MYO5B: variants seen among roughly 807,000 people sequenced by gnomAD.
The protein encoded by MYO5B is unconventional myosin-Vb.
In MYO5B, 143 loss-of-function variants were observed where a neutral mutation model predicts 229.3. That is an observed-to-expected ratio of 0.62 (90% confidence interval 0.54 to 0.72). The LOEUF is 0.72. MYO5B is among the 30% of genes least tolerant of loss of function. The pLI is 0.00. For synonymous variants in MYO5B, 918 were observed against 885.2 expected (o/e 1.04, Z -0.66); for missense variants, 2,321 against 2,331.0 (o/e 1.00, Z 0.09).
Position 49,889,198 on chromosome 18 carries a change from T to A in MYO5B, c.3045+5743A>T, listed in dbSNP as rs535456908. On this transcript the variant is annotated intron_variant, in intron 22 of 39. Transcript: ENST00000285039. ...AATATCTAGAATACATGAGCTTGTT[T>A]AATCAAATAATTCAATTTAGGCAGC... Among the ~76,000 whole-genome samples the A allele has an allele frequency of 2.0e-5, 3 of 152,348 alleles. No homozygotes were observed. In the East Asian group the frequency reaches 5.8e-4, roughly 29 times the overall value.
chr18:50,152,547 C>G (rs537330536), intron 1 of MYO5B, among the ~76,000 whole-genome samples: 15 of 152,254 alleles, frequency 9.9e-5, no homozygotes, highest in African/African-American at 3.6e-4. Context: ...GAAAAGCATA[C>G]TCCATTATCC....
At chr18:50,066,177 AATT>A (rs1164161999) in intron 1 of MYO5B, among the ~76,000 whole-genome samples, 2 of 152,338 alleles carry the variant, frequency 1.3e-5, no homozygotes, top group East Asian at 3.9e-4. Flanking sequence ...TATATGGAAG[AATT>A]ATTATCAGCA....
At chr18:49,902,016 C>T (rs1417882183) in intron 21 of MYO5B, among the ~76,000 whole-genome samples, 1 of 152,282 alleles carries the variant, frequency 6.6e-6, no homozygotes, top group Non-Finnish European at 1.5e-5. Flanking sequence ...AAGGGCAAAA[C>T]ACCAGCACCT....
At chr18:50,131,982 C>G (rs2032261508) in intron 1 of MYO5B, among the ~76,000 whole-genome samples, 1 of 152,182 alleles carries the variant, frequency 6.6e-6, no homozygotes, top group Non-Finnish European at 1.5e-5. Context: ...GCAGTTTTCC[C>G]CCATTGGCAC....
At chr18:50,022,087 TCCCTC>T (rs2026281650) in intron 4 of MYO5B, among the ~76,000 whole-genome samples, 94 of 132,044 alleles carry the variant, frequency 7.1e-4, no homozygotes, top group African/African-American at 2.5e-3. Flanking sequence ...GTCTCTTCCC[TCCCTC>T]CCTCCCCACC....
chr18:49,888,392 G>T (rs1266989453), intron 22 of MYO5B, among the ~76,000 whole-genome samples: 3 of 152,104 alleles, frequency 2.0e-5, no homozygotes, highest in Non-Finnish European at 4.4e-5. Flanking sequence ...GTAGCCTCAG[G>T]GTCCATGAAG....
At chr18:49,869,770 G>C (rs680052) in intron 27 of MYO5B, among the ~76,000 whole-genome samples, 128,772 of 151,882 alleles carry the variant, frequency 0.85, 54,689 homozygotes, top group East Asian at 0.95. Flanking sequence ...CTTGTTAAAA[G>C]ACAGATGGGT....
intron 14 of MYO5B, among the ~76,000 whole-genome samples, chr18:49,949,192 A>G (rs2025406055): frequency 6.6e-6 from 1 of 152,222 alleles, no homozygotes; most frequent in Non-Finnish European, 1.5e-5. Flanking sequence ...CGTGACCCAC[A>G]GCTTGTCCCT....
chr18:49,892,689 A>C (rs2024729349), intron 22 of MYO5B, among the ~76,000 whole-genome samples: 1 of 152,220 alleles, frequency 6.6e-6, no homozygotes, highest in Non-Finnish European at 1.5e-5. Flanking sequence ...CAAAACAAAA[A>C]AAAGCCAGCC....
chr18:49,915,455 C>T (rs1239814783), intron 17 of MYO5B, among the ~76,000 whole-genome samples: 2 of 152,332 alleles, frequency 1.3e-5, no homozygotes, highest in African/African-American at 4.8e-5. Flanking sequence ...TCATCAGGTC[C>T]ATGTGGATTC....
In MYO5B at chr18:49,953,258, A is replaced by AC; in HGVS notation, c.1752+1dup. 6.2e-7 allele frequency: 1 copy of AC among 1,613,724 alleles called. No individual in the cohort carries two copies. The highest frequency in any genetic ancestry group is 8.5e-7 in the Non-Finnish European group (1 of 1,179,778). On this transcript the variant is annotated splice_donor_variant, in intron 14 of 39. Coordinates refer to ENST00000285039, the MANE Select transcript of MYO5B (RefSeq NM_001080467.3). LOFTEE classifies it high-confidence loss of function. ...CCACTCCCCACTTCTGACACTCTTT[A>AC]CCTTGCTGGCCTTCAGGATATTGAT...
chr18:49,988,470 T>C (rs1015152716), intron 7 of MYO5B, among the ~76,000 whole-genome samples: 2 of 152,192 alleles, frequency 1.3e-5, no homozygotes, highest in Non-Finnish European at 2.9e-5. Context: ...CCCATGTACC[T>C]TGCAGAGACA....
At chr18:49,953,952 C>T (rs866486823) in intron 13 of MYO5B, among the ~76,000 whole-genome samples, 2 of 116,056 alleles carry the variant, frequency 1.7e-5, no homozygotes, top group East Asian at 2.7e-4. Context: ...TATATACAGA[C>T]ATGTGTGTGT....
chr18:50,141,950 C>A (rs2032424494), intron 1 of MYO5B, among the ~76,000 whole-genome samples: 1 of 152,182 alleles, frequency 6.6e-6, no homozygotes, highest in African/African-American at 2.4e-5. Flanking sequence ...CATCCACATA[C>A]CATTTCTTCC....
chr18:49,925,578 A>G (rs1167635534), intron 17 of MYO5B, among the ~76,000 whole-genome samples: 3 of 152,144 alleles, frequency 2.0e-5, no homozygotes, highest in Non-Finnish European at 4.4e-5. Context: ...CTAACCCATA[A>G]ATGGGTTGCA....
At chr18:50,047,493 T>G (rs9960724) in intron 2 of MYO5B, among the ~76,000 whole-genome samples, 2,694 of 151,918 alleles carry the variant, frequency 0.018, 36 homozygotes, top group African/African-American at 0.042. Flanking sequence ...CTGTTGGTGG[T>G]ACTGTAAACT....
At chr18:50,186,887 G>A (rs571825674) in intron 1 of MYO5B, among the ~76,000 whole-genome samples, 198 of 152,196 alleles carry the variant, frequency 1.3e-3, no homozygotes, top group African/African-American at 4.5e-3. Flanking sequence ...AAAGGCCTTG[G>A]AAATGCCCAT....
At chr18:50,188,488 T>C (rs1202427250) in intron 1 of MYO5B, among the ~76,000 whole-genome samples, 1 of 152,188 alleles carries the variant, frequency 6.6e-6, no homozygotes, top group Non-Finnish European at 1.5e-5. Flanking sequence ...ACATCTGGTA[T>C]GGCCTCTGTT....
intron 1 of MYO5B, among the ~76,000 whole-genome samples, chr18:50,174,402 T>A (rs928363431): frequency 6.6e-6 from 1 of 152,134 alleles, no homozygotes. Flanking sequence ...AACACCAGGA[T>A]GTCATGTGCT....
Sources: allele counts gnomAD v4.1 joint callset (sites outside exome capture counted in the v4.1 genomes callset), GRCh38; gene constraint gnomAD v4.1.1; transcripts MANE v1.5; gene names NCBI Gene and HGNC (gene_info 2026-07-23, HGNC 2026-07-21).